The following SPMIP6 variants were observed in gnomAD, a reference collection of about 807,000 sequenced individuals.
SPMIP6 encodes the protein ciliated bronchial epithelial protein 1.
chr9:34,394,107 G>A, the SPMIP6 span, among the ~76,000 whole-genome samples: 2 of 152,108 alleles, frequency 1.3e-5, no homozygotes, highest in African/African-American at 2.4e-5. Flanking sequence ...CTACAGGCAT[G>A]AGCCACTATG....
At chr9:34,379,578 TC>T in the SPMIP6 span, 1 of 1,395,106 alleles carries the variant, frequency 7.2e-7, no homozygotes, top group Non-Finnish European at 1.0e-6. The surrounding 1 kb of genome is among the most constrained non-coding windows in gnomAD (Gnocchi z 4.2). Flanking sequence ...CCAGACATCC[TC>T]CCCCAGCCCC....
the SPMIP6 span, among the ~76,000 whole-genome samples, chr9:34,396,961 C>T: frequency 6.6e-6 from 1 of 152,192 alleles, no homozygotes. Context: ...TTCCTCCCAC[C>T]TGGCCACCAA....
the SPMIP6 span, chr9:34,382,788 T>C: frequency 1.9e-6 from 3 of 1,614,142 alleles, no homozygotes. Flanking sequence ...GGTATACTTG[T>C]TGCAGCAGCT....
the SPMIP6 span, chr9:34,379,309 C>T: frequency 1.5e-6 from 1 of 667,554 alleles, no homozygotes; most frequent in Non-Finnish European, 2.7e-6. This position sits in a 1 kb window ranked among gnomAD's most constrained non-coding sequence, Gnocchi z 4.2. Context: ...CCAATACTGA[C>T]CTCCTGACCT....
At chr9:34,397,448 C>A in the SPMIP6 span, 2 of 1,586,856 alleles carry the variant, frequency 1.3e-6, no homozygotes, top group Admixed American at 3.3e-5. Flanking sequence ...GCCAGGCATC[C>A]AGACTGGCCA....
At chr9:34,381,346 A>G in the SPMIP6 span, 2 of 1,613,044 alleles carry the variant, frequency 1.2e-6, no homozygotes, top group Non-Finnish European at 1.7e-6. This position sits in a 1 kb window ranked among gnomAD's most constrained non-coding sequence, Gnocchi z 4.4. Flanking sequence ...CGTTCTTTCC[A>G]ACGCCCCACT....
the SPMIP6 span, among the ~76,000 whole-genome samples, chr9:34,391,499 T>C: frequency 6.6e-6 from 1 of 152,244 alleles, no homozygotes; most frequent in East Asian, 1.9e-4. Context: ...GTTTCACATT[T>C]TTTTAGACAA....
the SPMIP6 span, among the ~76,000 whole-genome samples, chr9:34,389,171 A>C: frequency 6.6e-6 from 1 of 152,050 alleles, no homozygotes; most frequent in Non-Finnish European, 1.5e-5. Flanking sequence ...TCCTGAGCTC[A>C]AGTGATCCTC....
chr9:34,385,629 G>A, the SPMIP6 span: 4 of 1,613,232 alleles, frequency 2.5e-6, no homozygotes, highest in South Asian at 4.4e-5. Context: ...CAAAGGGTGA[G>A]GCCTTACCTT....
At chr9:34,379,537 A>C in the SPMIP6 span, 4 of 956,720 alleles carry the variant, frequency 4.2e-6, no homozygotes, top group Non-Finnish European at 6.8e-6. The surrounding 1 kb of genome is among the most constrained non-coding windows in gnomAD (Gnocchi z 4.2). Flanking sequence ...TGTGCCTGTC[A>C]GTGCACCGCG....
chr9:34,394,337 A>T, the SPMIP6 span, among the ~76,000 whole-genome samples: 1 of 151,974 alleles, frequency 6.6e-6, no homozygotes, highest in East Asian at 1.9e-4. Context: ...TTATATTTTT[A>T]GTAGAGATGG....
At chr9:34,380,572 G>T in the SPMIP6 span, 1 of 1,367,244 alleles carries the variant, frequency 7.3e-7, no homozygotes, top group Non-Finnish European at 9.6e-7. Context: ...AAGAGGATGC[G>T]ACTGATGTGC....
the SPMIP6 span, chr9:34,380,683 T>G: frequency 6.5e-7 from 1 of 1,546,288 alleles, no homozygotes; most frequent in Non-Finnish European, 8.7e-7. Flanking sequence ...GTCGGGGACT[T>G]GGAGTAACCT....
chr9:34,396,665 T>C, the SPMIP6 span, among the ~76,000 whole-genome samples: 2 of 152,122 alleles, frequency 1.3e-5, no homozygotes, highest in Non-Finnish European at 2.9e-5. Context: ...GGCTGCCTTT[T>C]CTCCTGACTG....
At chr9:34,380,610 C>T in the SPMIP6 span, 11 of 1,462,760 alleles carry the variant, frequency 7.5e-6, no homozygotes, top group Non-Finnish European at 1.0e-5. Flanking sequence ...AACCCTCTGA[C>T]GGGACCTCCA....
At chr9:34,397,647 A>C in the SPMIP6 span, 1 of 1,580,936 alleles carries the variant, frequency 6.3e-7, no homozygotes, top group East Asian at 2.3e-5. Flanking sequence ...GTGGTCTTGG[A>C]GATGCCGTGG....
chr9:34,394,981 T>TA, the SPMIP6 span, among the ~76,000 whole-genome samples: 20 of 151,230 alleles, frequency 1.3e-4, no homozygotes, highest in African/African-American at 4.6e-4. Flanking sequence ...TTTTTTTTTT[T>TA]AAGAGACAGG....
chr9:34,388,004 A>C, the SPMIP6 span, among the ~76,000 whole-genome samples: 1 of 152,130 alleles, frequency 6.6e-6, no homozygotes, highest in Admixed American at 6.5e-5. Context: ...CTTGTTTTCA[A>C]AATGGTACCC....
chr9:34,382,913 T>C, the SPMIP6 span: 5 of 1,236,330 alleles, frequency 4.0e-6, no homozygotes, highest in South Asian at 2.4e-5. Flanking sequence ...TACTTCTTAC[T>C]CTACTCCAGG....
Sources: gnomAD v4.1 joint callset for allele counts (sites outside exome capture counted in the v4.1 genomes callset) on GRCh38, gnomAD v4.1.1 for gene constraint, Gnocchi (gnomAD v3.1) non-coding constraint, MANE v1.5 for transcripts, NCBI Gene and HGNC (gene_info 2026-07-23, HGNC 2026-07-21) for gene names.